Variants in NEGR1 observed in about 807,000 individuals in gnomAD.
NEGR1 encodes the protein neuronal growth regulator 1.
In NEGR1, 10 loss-of-function variants were observed where a neutral mutation model predicts 40.9. That is an observed-to-expected ratio of 0.24 (90% CI 0.15 to 0.42). NEGR1 has a LOEUF of 0.42. Ranked by LOEUF, NEGR1 falls within the 10% of genes least tolerant of loss-of-function variation. The pLI is 1.00. For missense variants in NEGR1, 352 were observed against 438.9 expected, an observed-to-expected ratio of 0.80 and a Z score of 1.77; for synonymous variants, 185 against 166.8, an observed-to-expected ratio of 1.11 and a Z score of -0.84.
chr1:71,894,935 TA>T (rs1010404990), intron 2 of NEGR1, among the ~76,000 whole-genome samples: 32 of 151,948 alleles, frequency 2.1e-4, no homozygotes, highest in African/African-American at 7.5e-4. Context: ...TTTTTTTTTT[TA>T]AAAGGAAGGA....
rs1261415351 is a variant in NEGR1, at chr1:71,585,516, TCAATGACAACAC to T, written c.940+7289_940+7300del. Among the ~76,000 whole-genome samples the T allele has an allele frequency of 6.6e-5, 10 of 152,176 alleles. No homozygotes were observed. The East Asian group carries it at 1.9e-3, about 29-fold the overall frequency. ...TAAGCAAGCCATATTTCAAGGCTGA[TCAATGACAACAC>T]CAAATACCAAAGCTTCCTTTCCCTT... is the stretch of plus-strand genomic sequence containing the variant. On this transcript the variant is annotated intron_variant, in intron 6 of 6. Coordinates refer to ENST00000357731, the MANE Select transcript of NEGR1 (RefSeq NM_173808.3).
At chr1:71,944,236 C>T (rs1645997616) in intron 1 of NEGR1, among the ~76,000 whole-genome samples, 1 of 152,058 alleles carries the variant, frequency 6.6e-6, no homozygotes, top group African/African-American at 2.4e-5. Flanking sequence ...GGACTTTCAC[C>T]TCAGGAGATA....
intron 1 of NEGR1, among the ~76,000 whole-genome samples, chr1:72,103,454 G>A (rs1244141753): frequency 6.6e-6 from 1 of 152,020 alleles, no homozygotes; most frequent in Non-Finnish European, 1.5e-5. Context: ...ACTTTATTTA[G>A]TAAGGAAAAT....
intron 1 of NEGR1, among the ~76,000 whole-genome samples, chr1:71,996,162 T>C (rs1646503236): frequency 6.6e-6 from 1 of 152,114 alleles, no homozygotes; most frequent in African/African-American, 2.4e-5. Context: ...TGAAATAACA[T>C]TTACAACATT....
intron 6 of NEGR1, among the ~76,000 whole-genome samples, chr1:71,529,053 A>G (rs987997769): frequency 6.6e-6 from 1 of 151,102 alleles, no homozygotes; most frequent in Non-Finnish European, 1.5e-5. Context: ...TTTACTATGA[A>G]TAACAACAGC....
intron 1 of NEGR1, among the ~76,000 whole-genome samples, chr1:72,091,362 CCCTCCCTCCCTCCGTTCCTCCTTT>C (rs1419643669): frequency 7.4e-5 from 10 of 134,562 alleles, no homozygotes; most frequent in Admixed American, 2.3e-4. Flanking sequence ...TTCCCTCCCT[CCCTCCCTCCCTCCGTTCCTCCTTT>C]CCTCCCTCCC....
chr1:71,601,477 A>G (rs2101532120), intron 5 of NEGR1, among the ~76,000 whole-genome samples: 1 of 152,344 alleles, frequency 6.6e-6, no homozygotes, highest in Middle Eastern at 3.4e-3. Context: ...AAAGGAAAAC[A>G]AATAATTATA....
At chr1:71,498,500 A>T (rs904135321) in intron 6 of NEGR1, among the ~76,000 whole-genome samples, 15 of 152,144 alleles carry the variant, frequency 9.9e-5, no homozygotes, top group African/African-American at 3.4e-4. Context: ...ACTCTGCTTT[A>T]CTGCTACCCT....
At chr1:72,038,213 A>T (rs1465102338) in intron 1 of NEGR1, among the ~76,000 whole-genome samples, 1 of 152,074 alleles carries the variant, frequency 6.6e-6, no homozygotes, top group Admixed American at 6.6e-5. Context: ...AATGTTCTGC[A>T]GTTGCACATA....
intron 3 of NEGR1, among the ~76,000 whole-genome samples, chr1:71,761,546 C>A (rs1433388303): frequency 2.0e-5 from 3 of 152,118 alleles, no homozygotes; most frequent in African/African-American, 7.2e-5. Context: ...ATATCCATAG[C>A]AATACTTGTG....
At chr1:71,863,705 T>G (rs1166469182) in intron 2 of NEGR1, among the ~76,000 whole-genome samples, 1 of 152,164 alleles carries the variant, frequency 6.6e-6, no homozygotes, top group Non-Finnish European at 1.5e-5. Flanking sequence ...CACACAGTTA[T>G]TAAGTTTCAA....
chr1:71,815,822 G>A lies in NEGR1; in HGVS notation c.410-39525C>T, dbSNP rs141348034. The stretch of plus-strand genomic sequence containing the variant: ...ATCCATCACGAACATCCTCTTCCTC[G>A]ACTTTTTTTACTTATAATTTTCCCT... On this transcript the variant is annotated intron_variant, in intron 2 of 6. Transcript: ENST00000357731. 3.1e-3 allele frequency among the ~76,000 whole-genome samples: 475 copies of A among 151,940 alleles called. 4 individuals carry two copies. Among genetic ancestry groups the A allele is most frequent in the Middle Eastern group, 0.01 (3 of 294 alleles).
chr1:71,959,088 T>A (rs774952293), intron 1 of NEGR1, among the ~76,000 whole-genome samples: 2 of 152,194 alleles, frequency 1.3e-5, no homozygotes, highest in Non-Finnish European at 2.9e-5. Context: ...ACCATTATAA[T>A]CTCATTAACT....
intron 1 of NEGR1, among the ~76,000 whole-genome samples, chr1:72,062,521 TGA>T (rs1647194724): frequency 6.6e-6 from 1 of 151,978 alleles, no homozygotes; most frequent in South Asian, 2.1e-4. Context: ...AGAAGCACGA[TGA>T]GTTCAATAAA....
At chr1:72,036,473 T>C (rs752426335) in intron 1 of NEGR1, among the ~76,000 whole-genome samples, 3 of 151,842 alleles carry the variant, frequency 2.0e-5, no homozygotes, top group African/African-American at 4.8e-5. Flanking sequence ...CAGGCCAACA[T>C]GGTGAAACCC....
At chr1:71,763,796 G>A (rs1440270604) in intron 3 of NEGR1, among the ~76,000 whole-genome samples, 1 of 151,690 alleles carries the variant, frequency 6.6e-6, no homozygotes, top group African/African-American at 2.4e-5. Flanking sequence ...TTTACTTAGG[G>A]GAATAGGGAA....
intron 1 of NEGR1, among the ~76,000 whole-genome samples, chr1:72,096,874 G>C (rs1648722258): frequency 6.6e-6 from 1 of 151,980 alleles, no homozygotes; most frequent in Non-Finnish European, 1.5e-5. Flanking sequence ...AGTAGAGACA[G>C]AGTTTCACCA....
Position 71,790,972 on chromosome 1 carries a change from A to C in NEGR1, c.410-14675T>G, listed in dbSNP as rs186791456. Among the ~76,000 whole-genome samples, 676 of 152,146 alleles carry C rather than the reference A, an allele frequency of 4.4e-3. 4 individuals carry two copies. Among genetic ancestry groups the C allele is most frequent in the African/African-American group, 0.015 (614 of 41,538 alleles). ...GGACTGGCGATAGGACTGGTAGACA[A>C]CTGGGGAAGAGGAGGAGAAAAATAA... On this transcript the variant is annotated intron_variant, in intron 2 of 6. Transcript: ENST00000357731.
intron 6 of NEGR1, among the ~76,000 whole-genome samples, chr1:71,534,886 A>G (rs1647465295): frequency 6.6e-6 from 1 of 151,634 alleles, no homozygotes; most frequent in Non-Finnish European, 1.5e-5. Context: ...TTATTTATAA[A>G]AATTTAACAA....
Sources: gnomAD v4.1 joint callset for allele counts (sites outside exome capture counted in the v4.1 genomes callset) on GRCh38, gnomAD v4.1.1 for gene constraint, MANE v1.5 for transcripts, NCBI Gene and HGNC (gene_info 2026-07-23, HGNC 2026-07-21) for gene names.